The following NME7 variants were observed in gnomAD, a reference collection of about 807,000 sequenced individuals.
NME7 encodes the protein nucleoside diphosphate kinase 7.
NME7 carries 41 observed loss-of-function variants against 49.1 expected under a neutral mutation model. The ratio of observed to expected loss-of-function variants is 0.83; its 90% CI spans 0.65 to 1.08. The LOEUF is 1.08. Among genes scored for constraint, NME7 ranks in the 50% least tolerant of loss-of-function variants. NME7 has a pLI of 0.00. For synonymous variants in NME7, 139 were observed against 150.6 expected, an observed-to-expected ratio of 0.92 and a Z score of 0.56; for missense variants, 423 against 463.4, an observed-to-expected ratio of 0.91 and a Z score of 0.80.
At chr1:169,300,698 C>T (rs1650901898) in intron 5 of NME7, among the ~76,000 whole-genome samples, 1 of 152,058 alleles carries the variant, frequency 6.6e-6, no homozygotes, top group Admixed American at 6.6e-5. Context: ...CAACAGGCTA[C>T]AGTAACCAAA....
chr1:169,295,973 C>T (rs1397282825), intron 6 of NME7, among the ~76,000 whole-genome samples: 1 of 152,096 alleles, frequency 6.6e-6, no homozygotes, highest in Non-Finnish European at 1.5e-5. Flanking sequence ...CTAATCTCTC[C>T]ACCTGGGTTC....
intron 3 of NME7, among the ~76,000 whole-genome samples, chr1:169,321,054 A>G (rs2101934327): frequency 6.6e-6 from 1 of 152,288 alleles, no homozygotes; most frequent in African/African-American, 2.4e-5. Context: ...AAATACATAA[A>G]TTATAATTTT....
chr1:169,288,551 T>G (rs989776889), intron 6 of NME7, among the ~76,000 whole-genome samples: 11 of 152,272 alleles, frequency 7.2e-5, no homozygotes, highest in Admixed American at 5.9e-4. Flanking sequence ...ACTGTATTTA[T>G]TTTTCATTAA....
intron 11 of NME7, among the ~76,000 whole-genome samples, chr1:169,143,787 AAT>A (rs1658676566): frequency 2.0e-5 from 3 of 152,310 alleles, no homozygotes; most frequent in Admixed American, 2.0e-4. Flanking sequence ...CATTTCTTGT[AAT>A]ATGAAACATG....
At chr1:169,197,140 T>C (rs950170118) in intron 10 of NME7, among the ~76,000 whole-genome samples, 1 of 152,146 alleles carries the variant, frequency 6.6e-6, no homozygotes, top group African/African-American at 2.4e-5. Context: ...GTACCTATAT[T>C]TCACCATATT....
chr1:169,217,624 C>G (rs187400846), intron 10 of NME7, among the ~76,000 whole-genome samples: 1 of 152,054 alleles, frequency 6.6e-6, no homozygotes, highest in South Asian at 2.1e-4. Context: ...ATTTGCAGCC[C>G]CCCTTCCATT....
At chr1:169,199,442 G>A (rs1660478965) in intron 10 of NME7, among the ~76,000 whole-genome samples, 1 of 136,374 alleles carries the variant, frequency 7.3e-6, no homozygotes, top group South Asian at 2.4e-4. Flanking sequence ...ACAGAACCCA[G>A]GGTCTTTTTT....
chr1:169,231,931 T>C (rs1647640726), intron 9 of NME7, among the ~76,000 whole-genome samples: 1 of 151,330 alleles, frequency 6.6e-6, no homozygotes, highest in East Asian at 1.9e-4. Context: ...AATTTTACAA[T>C]ATACAGTATC....
chr1:169,180,354 C>A (rs569599089), intron 10 of NME7, among the ~76,000 whole-genome samples: 1 of 152,300 alleles, frequency 6.6e-6, no homozygotes, highest in Non-Finnish European at 1.5e-5. Flanking sequence ...TCCCACAAAT[C>A]CCCTTGTCAG....
chr1:169,349,972 C>G (rs1349603534), intron 1 of NME7, among the ~76,000 whole-genome samples: 1 of 151,976 alleles, frequency 6.6e-6, no homozygotes, highest in Non-Finnish European at 1.5e-5. Context: ...AGATGGATTG[C>G]CTGAGGACAG....
chr1:169,232,912 C>CTTTTTTTTTTTTTTTTT (rs10545228), intron 9 of NME7, among the ~76,000 whole-genome samples: 4 of 74,528 alleles, frequency 5.4e-5, no homozygotes, highest in Non-Finnish European at 5.0e-5. Context: ...GTTTTCTTTT[C>CTTTTTTTTTTTTTTTTT]TTTTTTTTTT....
chr1:169,216,959 C>T (rs986506614), intron 10 of NME7, among the ~76,000 whole-genome samples: 2 of 152,120 alleles, frequency 1.3e-5, no homozygotes, highest in Non-Finnish European at 2.9e-5. Context: ...AATGTCCTCA[C>T]CACATACACA....
chr1:169,321,901 T>C (rs915901274), intron 3 of NME7, among the ~76,000 whole-genome samples: 25 of 151,896 alleles, frequency 1.6e-4, no homozygotes, highest in Admixed American at 4.6e-4. Context: ...CTTCTACAAA[T>C]AATCCCTATT....
intron 10 of NME7, among the ~76,000 whole-genome samples, chr1:169,223,519 G>A (rs1661207442): frequency 6.6e-6 from 1 of 152,044 alleles, no homozygotes; most frequent in Non-Finnish European, 1.5e-5. Context: ...GATTTACTTA[G>A]ATGCTCAAAT....
intron 1 of NME7, among the ~76,000 whole-genome samples, chr1:169,366,318 C>G (rs947143181): frequency 6.6e-6 from 1 of 152,188 alleles, no homozygotes; most frequent in Non-Finnish European, 1.5e-5. Context: ...TAAGCAAGAA[C>G]AACTTTCTTG....
intron 1 of NME7, among the ~76,000 whole-genome samples, chr1:169,346,582 T>C (rs1652958806): frequency 6.6e-6 from 1 of 152,206 alleles, no homozygotes; most frequent in African/African-American, 2.4e-5. Flanking sequence ...CCCCCAACAT[T>C]CATTACCCTG....
intron 7 of NME7, among the ~76,000 whole-genome samples, chr1:169,249,205 T>C (rs1648457434): frequency 6.6e-6 from 1 of 152,114 alleles, no homozygotes; most frequent in Non-Finnish European, 1.5e-5. Flanking sequence ...TTTACCTCCT[T>C]GGTTAAATAT....
At chr1:169,298,413 T>C (rs1405295558) in intron 6 of NME7, 143 bp downstream of exon 6, 3 of 750,074 alleles carry the variant, frequency 4.0e-6, no homozygotes, top group Non-Finnish European at 6.5e-6. Context: ...TGTTTGATAG[T>C]AGGCAAGATG....
At position 169,270,586 on chromosome 1, in the gene NME7, T is replaced by G. The variant is rs1405247430; in HGVS notation, c.754+16717A>C. ...CTATTACTTTGTTACAAGACAGTCATTCAACTTTGCTTAAAAATTAAAAGA... is the reference window on the plus strand; with the variant it reads ...CTATTACTTTGTTACAAGACAGTCAGTCAACTTTGCTTAAAAATTAAAAGA... On this transcript the variant is annotated intron_variant, in intron 7 of 11. Coordinates refer to ENST00000367811, the MANE Select transcript of NME7 (RefSeq NM_013330.5). Among the ~76,000 whole-genome samples the G allele has an allele frequency of 1.5e-5, 2 of 134,082 alleles. 1 individual carries two copies. Among genetic ancestry groups the G allele is most frequent in the Non-Finnish European group, 3.5e-5 (2 of 57,076 alleles). 88.0% of individuals were successfully genotyped at this position (134,082 alleles called of 152,430 possible).
Sources: allele counts gnomAD v4.1 joint callset (sites outside exome capture counted in the v4.1 genomes callset), GRCh38; gene constraint gnomAD v4.1.1; transcripts MANE v1.5; gene names NCBI Gene and HGNC (gene_info 2026-07-23, HGNC 2026-07-21).